Variants in KCNH1 observed in about 807,000 individuals in gnomAD.
KCNH1 encodes potassium voltage-gated channel subfamily H member 1.
KCNH1 carries 27 observed loss-of-function variants against 69.2 expected under a neutral mutation model. That is an observed-to-expected ratio of 0.39 (90% CI 0.29 to 0.54). The LOEUF (loss-of-function observed/expected upper bound fraction) is 0.54, where lower values mean the gene tolerates loss of function less well. Ranked by LOEUF, KCNH1 falls within the 20% of genes least tolerant of loss-of-function variation. KCNH1 has a pLI of 0.68. For synonymous variants in KCNH1, 456 were observed against 487.7 expected (o/e 0.93, Z 0.86); for missense variants, 798 against 1,261.6 (o/e 0.63, Z 5.57).
intron 5 of KCNH1, among the ~76,000 whole-genome samples, chr1:211,035,863 T>C (rs1388918631): frequency 6.6e-6 from 1 of 152,212 alleles, no homozygotes; most frequent in Non-Finnish European, 1.5e-5. Flanking sequence ...AAATGACTAT[T>C]CATATTCCTC....
chr1:211,019,532 T>C (rs953786852), intron 5 of KCNH1, among the ~76,000 whole-genome samples: 1 of 152,236 alleles, frequency 6.6e-6, no homozygotes, highest in African/African-American at 2.4e-5. Context: ...TAATTCTAAA[T>C]ACACCTTTGT....
intron 7 of KCNH1, among the ~76,000 whole-genome samples, chr1:210,833,639 C>G (rs1222373051): frequency 1.3e-5 from 2 of 152,084 alleles, no homozygotes; most frequent in Non-Finnish European, 2.9e-5. Flanking sequence ...GACTTCATGT[C>G]TAAAACACCA....
At chr1:210,967,950 C>T (rs1688439457) in intron 6 of KCNH1, among the ~76,000 whole-genome samples, 1 of 151,888 alleles carries the variant, frequency 6.6e-6, no homozygotes, top group Non-Finnish European at 1.5e-5. Context: ...ATGTGCCATG[C>T]TGGTGCACTG....
At chr1:210,740,434 G>A (rs933637552) in intron 10 of KCNH1, among the ~76,000 whole-genome samples, 1 of 151,912 alleles carries the variant, frequency 6.6e-6, no homozygotes. Flanking sequence ...TCTATATTCG[G>A]TTCTGCTTCT....
At position 210,755,491 on chromosome 1, in the gene KCNH1, G is replaced by A. The variant is rs532755105; in HGVS notation, c.2112+19857C>T. ...CATAATAGCGAAACAAAGCCACTCCGCGGCTACATTCATCCAGCCATGAGG... is the reference window on the plus strand; with the variant it reads ...CATAATAGCGAAACAAAGCCACTCCACGGCTACATTCATCCAGCCATGAGG... On this transcript the variant is annotated intron_variant, in intron 10 of 10. Transcript: ENST00000271751. 6.6e-4 allele frequency among the ~76,000 whole-genome samples: 100 copies of A among 152,278 alleles called. 1 individual carries two copies. The highest frequency in any genetic ancestry group is 2.1e-3 in the African/African-American group (88 of 41,560).
At chr1:211,030,601 T>C (rs535318156) in intron 5 of KCNH1, among the ~76,000 whole-genome samples, 4 of 152,156 alleles carry the variant, frequency 2.6e-5, no homozygotes, top group Admixed American at 2.6e-4. Context: ...TATTTAAAAA[T>C]TAACTCAAAA....
At chr1:211,090,373 G>A (rs1247497723) in intron 4 of KCNH1, among the ~76,000 whole-genome samples, 189 bp downstream of exon 4, 1 of 152,116 alleles carries the variant, frequency 6.6e-6, no homozygotes, top group Non-Finnish European at 1.5e-5. Context: ...CCTAAACAAA[G>A]TGTTTTTTCT....
intron 10 of KCNH1, among the ~76,000 whole-genome samples, chr1:210,689,002 T>C (rs1681471056): frequency 6.6e-6 from 1 of 152,252 alleles, no homozygotes; most frequent in Non-Finnish European, 1.5e-5. Context: ...CCTGACATGT[T>C]GCTCAGAATG....
chr1:210,713,417 G>T lies in KCNH1; in HGVS notation c.2113-29279C>A, dbSNP rs530824120. Among the ~76,000 whole-genome samples, 33 of 152,164 alleles carry T rather than the reference G, an allele frequency of 2.2e-4. No individual in the cohort carries two copies. The South Asian group carries it at 6.6e-3, about 31-fold the overall frequency. On this transcript the variant is annotated intron_variant, in intron 10 of 10. Coordinates refer to ENST00000271751, the MANE Select transcript of KCNH1 (RefSeq NM_172362.3). ...AGATGCAGTTCTGCTCTGACTTTGG[G>T]GAATGTGGTCTGTTCTCTCCTTTCT...
At chr1:210,688,935 A>G (rs1375097617) in intron 10 of KCNH1, among the ~76,000 whole-genome samples, 1 of 152,178 alleles carries the variant, frequency 6.6e-6, no homozygotes, top group Admixed American at 6.5e-5. Context: ...ATAAGTCCAG[A>G]TCCTTCCTGG....
intron 10 of KCNH1, among the ~76,000 whole-genome samples, chr1:210,687,423 T>C (rs1401656115): frequency 1.3e-5 from 2 of 152,236 alleles, no homozygotes; most frequent in African/African-American, 4.8e-5. Flanking sequence ...TCTCTGGATC[T>C]GTGCAGGCTT....
At chr1:210,773,181 C>T (rs1038291843) in intron 10 of KCNH1, among the ~76,000 whole-genome samples, 1 of 152,228 alleles carries the variant, frequency 6.6e-6, no homozygotes, top group African/African-American at 2.4e-5. Flanking sequence ...CAGCAAGCAT[C>T]CCATGTTCCC....
At chr1:211,040,778 T>C (rs767117974) in intron 5 of KCNH1, among the ~76,000 whole-genome samples, 5 of 152,198 alleles carry the variant, frequency 3.3e-5, no homozygotes, top group Admixed American at 1.3e-4. Flanking sequence ...GCCTTAGGAA[T>C]CACTGAAAAA....
chr1:210,979,344 T>C (rs1688671029), intron 6 of KCNH1, among the ~76,000 whole-genome samples: 2 of 152,238 alleles, frequency 1.3e-5, no homozygotes, highest in Admixed American at 6.5e-5. Flanking sequence ...GGACAGTTTC[T>C]AGAACACTGA....
chr1:210,888,632 GA>G (rs1444124808), intron 7 of KCNH1, among the ~76,000 whole-genome samples: 1 of 152,008 alleles, frequency 6.6e-6, no homozygotes, highest in African/African-American at 2.4e-5. Context: ...CTGGTTTTTT[GA>G]AAAGATTAAC....
chr1:210,779,234 C>A (rs930590176), intron 9 of KCNH1, among the ~76,000 whole-genome samples: 3 of 152,138 alleles, frequency 2.0e-5, no homozygotes, highest in African/African-American at 7.2e-5. Context: ...TGATTTTCAA[C>A]CCAAATTGAA....
intron 7 of KCNH1, among the ~76,000 whole-genome samples, chr1:210,888,370 G>A (rs1686666887): frequency 6.6e-6 from 1 of 152,060 alleles, no homozygotes; most frequent in Admixed American, 6.6e-5. Context: ...TGAGAACAAA[G>A]ACACAAGGTA....
intron 5 of KCNH1, among the ~76,000 whole-genome samples, chr1:211,051,083 C>T (rs944035467): frequency 2.0e-5 from 3 of 152,042 alleles, no homozygotes; most frequent in Non-Finnish European, 2.9e-5. Flanking sequence ...CTGCAACCCC[C>T]GCCTCCCGGG....
In KCNH1 at chr1:210,986,664, G is replaced by GA. The variant is rs568345621; in HGVS notation, c.1032+32118dup. Among the ~76,000 whole-genome samples, 235 of 152,312 alleles carry GA rather than the reference G, an allele frequency of 1.5e-3. 1 individual carries two copies. The highest frequency in any genetic ancestry group is 5.1e-3 in the African/African-American group (210 of 41,552). On this transcript the variant is annotated intron_variant, in intron 6 of 10. Coordinates refer to ENST00000271751, the MANE Select transcript of KCNH1 (RefSeq NM_172362.3). ...CTGCTGAGAGATCAGCTGTTAGTCT[G>GA]ATGGGTTTCCCTTTGTGGGTAACCC... is the stretch of plus-strand genomic sequence containing the variant.
Sources: gnomAD v4.1 joint callset for allele counts (sites outside exome capture counted in the v4.1 genomes callset) on GRCh38, gnomAD v4.1.1 for gene constraint, MANE v1.5 for transcripts, NCBI Gene and HGNC (gene_info 2026-07-23, HGNC 2026-07-21) for gene names.